Variants in PLA2G6 observed in about 807,000 individuals in gnomAD.
PLA2G6 encodes the protein 85/88 kDa calcium-independent phospholipase A2.
In PLA2G6, 62 loss-of-function variants were observed where a neutral mutation model predicts 83.8. The observed-to-expected ratio is 0.74, with a 90% confidence interval of 0.60 to 0.91. PLA2G6 has a LOEUF of 0.91. Among genes scored for constraint, PLA2G6 ranks in the 40% least tolerant of loss-of-function variants. The pLI is 0.00. For synonymous variants in PLA2G6, 417 were observed against 449.8 expected (o/e 0.93, Z 0.92); for missense variants, 944 against 1,102.0 (o/e 0.86, Z 2.03).
At chr22:38,115,959 C>T (rs773618182) in intron 13 of PLA2G6, 116 bp downstream of exon 13, 23 of 1,483,804 alleles carry the variant, frequency 1.6e-5, no homozygotes, top group East Asian at 9.3e-5. Flanking sequence ...ACCAGTGCAG[C>T]GGGTGGGCTG....
chr22:38,167,762 G>A (rs1248789840), intron 2 of PLA2G6, among the ~76,000 whole-genome samples: 2 of 152,206 alleles, frequency 1.3e-5, no homozygotes, highest in Admixed American at 6.5e-5. Context: ...TCACCTGATT[G>A]GATGGGGCCC....
At chr22:38,112,662 C>T (rs568809795) in intron 15 of PLA2G6, 85 bp from the exon 16 acceptor site, 2 of 1,198,432 alleles carry the variant, frequency 1.7e-6, no homozygotes, top group Admixed American at 2.0e-5. Flanking sequence ...ACTCTCGGAG[C>T]CCCAGCCTGG....
chr22:38,127,420 C>T (rs748343861), intron 9 of PLA2G6: 2 of 1,327,868 alleles, frequency 1.5e-6, no homozygotes, highest in South Asian at 2.4e-5. Flanking sequence ...TCTGACGCCG[C>T]ACCCCAGGCC....
At chr22:38,176,848 G>A (rs1475817718) in intron 1 of PLA2G6, among the ~76,000 whole-genome samples, 1 of 152,046 alleles carries the variant, frequency 6.6e-6, no homozygotes, top group Non-Finnish European at 1.5e-5. Context: ...GACCAGCCTG[G>A]CCAACGTGTG....
chr22:38,121,302 C>T (rs1362563686), intron 11 of PLA2G6, among the ~76,000 whole-genome samples: 2 of 152,096 alleles, frequency 1.3e-5, no homozygotes, highest in Non-Finnish European at 2.9e-5. Context: ...CGCTTGAACC[C>T]GGGAGCGGAG....
chr22:38,141,708 G>A (rs1238446109), intron 4 of PLA2G6: 1 of 152,180 alleles, frequency 6.6e-6, no homozygotes, highest in East Asian at 1.9e-4. Context: ...TTCAAGGTCA[G>A]GCACCAATCA....
rs933380615 is a variant in PLA2G6, at chr22:38,112,201, T to A, written c.2381A>T (p.Glu794Val). Residue 794 changes from glutamate to valine, a missense_variant, in exon 17 of 17, where the codon GAG (glutamate) becomes GTG (valine). Glu to Val is a moderately radical substitution (Grantham distance 121, BLOSUM62 -2). Transcript: ENST00000332509. ...CAGCTGGATGAGCTTCTGGAACTCCTCGCGGTGCTCATAGATGTAGACCTC... is the reference window on the plus strand; with the variant it reads ...CAGCTGGATGAGCTTCTGGAACTCCACGCGGTGCTCATAGATGTAGACCTC... ...ETEVYIYEHREEFQKLIQLLL... is the reference protein window; with the variant it reads ...ETEVYIYEHRVEFQKLIQLLL... The A allele has an allele frequency of 3.1e-6, 5 of 1,605,106 alleles. No individual in the cohort carries two copies. The highest frequency in any genetic ancestry group is 4.3e-6 in the Non-Finnish European group (5 of 1,176,156).
intron 2 of PLA2G6, among the ~76,000 whole-genome samples, chr22:38,162,223 G>GAAAAAAAAAAAAAAAAA (rs1275564882): frequency 1.0e-5 from 1 of 99,462 alleles, no homozygotes. Flanking sequence ...AAAAAAAAAA[G>GAAAAAAAAAAAAAAAAA]AAAAAAAAAA....
chr22:38,174,645 G>A (rs567145273), intron 1 of PLA2G6, among the ~76,000 whole-genome samples: 5 of 152,164 alleles, frequency 3.3e-5, no homozygotes, highest in South Asian at 2.1e-4. Flanking sequence ...GTTTGCCAGC[G>A]GGGGAAATGG....
At chr22:38,139,063 G>A (rs1369738407) in intron 5 of PLA2G6, 1 of 152,146 alleles carries the variant, frequency 6.6e-6, no homozygotes, top group Non-Finnish European at 1.5e-5. Flanking sequence ...GGGGTTCCCA[G>A]GCTCCCAAAA....
At chr22:38,162,614 T>C (rs1487048367) in intron 2 of PLA2G6, among the ~76,000 whole-genome samples, 3 of 152,048 alleles carry the variant, frequency 2.0e-5, no homozygotes, top group African/African-American at 4.8e-5. Context: ...CGCGTGGTCA[T>C]GTGAATGTGG....
In PLA2G6 at chr22:38,123,517, C is replaced by T. The variant is rs2087649863; in HGVS notation, c.1428-259G>A. On this transcript the variant is annotated intron_variant, in intron 10 of 16. Coordinates refer to ENST00000332509, the MANE Select transcript of PLA2G6 (RefSeq NM_003560.4). The surrounding 1 kb of genome is among the most constrained non-coding windows in gnomAD (Gnocchi z 4.1). ...GGGGATAGCATCACTGACCAGGCGC[C>T]ATCCCAGCAGGATCTCGGCCAGTCT... 6.6e-6 allele frequency among the ~76,000 whole-genome samples: 1 copy of T among 152,158 alleles called. No individual in the cohort carries two copies. The highest frequency in any genetic ancestry group is 2.1e-4 in the South Asian group (1 of 4,822).
chr22:38,146,866 A>G (rs1185511355), intron 2 of PLA2G6: 2 of 147,368 alleles, frequency 1.4e-5, no homozygotes, highest in Non-Finnish European at 3.0e-5. Context: ...TGCAGCCTCC[A>G]TCTCCCAGGT....
chr22:38,140,124 G>GC lies in PLA2G6; in HGVS notation c.654_655insG (p.Gln219AlafsTer163). 6.2e-7 allele frequency: 1 copy of GC among 1,614,172 alleles called. No homozygotes were observed. Among genetic ancestry groups the GC allele is most frequent in the Non-Finnish European group, 8.5e-7 (1 of 1,180,036 alleles). On this transcript the variant is annotated frameshift_variant, in exon 5 of 17. Transcript: ENST00000332509. LOFTEE classifies it high-confidence loss of function. ...GCCAGGTGCAGCGGGGTCAGCCCTTGGTTATTCACCTGGTTCAGGCCAGCC... is the reference window on the plus strand; with the variant it reads ...GCCAGGTGCAGCGGGGTCAGCCCTTGCGTTATTCACCTGGTTCAGGCCAGCC...
chr22:38,113,312 C>T (rs2086993911), intron 15 of PLA2G6, among the ~76,000 whole-genome samples, 175 bp downstream of exon 15: 1 of 152,194 alleles, frequency 6.6e-6, no homozygotes, highest in South Asian at 2.1e-4. Context: ...CTGAGGGTCC[C>T]TGCCCCGCAC....
intron 12 of PLA2G6, among the ~76,000 whole-genome samples, chr22:38,119,867 T>G (rs1381595648): frequency 6.6e-6 from 1 of 151,908 alleles, no homozygotes; most frequent in Non-Finnish European, 1.5e-5. Context: ...GAAAAATATT[T>G]ATAAATATTA....
intron 14 of PLA2G6, 40 bp downstream of exon 14, chr22:38,115,487 G>C (rs2087132878): frequency 6.3e-7 from 1 of 1,583,884 alleles, no homozygotes; most frequent in African/African-American, 1.3e-5. Context: ...ATTGGCTCCA[G>C]GGAGCAGTGG....
chr22:38,139,322 A>C (rs1176866328), intron 5 of PLA2G6: 1 of 152,226 alleles, frequency 6.6e-6, no homozygotes, highest in African/African-American at 2.4e-5. Context: ...GGAGCTGGAA[A>C]GAGGAGACCC....
At position 38,123,574 on chromosome 22, in the gene PLA2G6, A is replaced by G. The variant is rs2087654608; in HGVS notation, c.1428-316T>C. The stretch of plus-strand genomic sequence containing the variant: ...CTTGGGACACCTGATTTTGGTCAGT[A>G]TCAGGCCTGATCCAAAGCAGGTGCC... On this transcript the variant is annotated intron_variant, in intron 10 of 16. Transcript: ENST00000332509. The surrounding 1 kb of genome is among the most constrained non-coding windows in gnomAD (Gnocchi z 4.1). Among the ~76,000 whole-genome samples, 1 of 152,130 alleles carries G rather than the reference A, an allele frequency of 6.6e-6. No homozygotes were observed. Among genetic ancestry groups the G allele is most frequent in the Non-Finnish European group, 1.5e-5 (1 of 68,022 alleles).
Sources: allele counts gnomAD v4.1 joint callset (sites outside exome capture counted in the v4.1 genomes callset), GRCh38; gene constraint gnomAD v4.1.1; non-coding constraint Gnocchi (gnomAD v3.1); transcripts MANE v1.5; gene names NCBI Gene and HGNC (gene_info 2026-07-23, HGNC 2026-07-21).